GMDS: variants seen among roughly 807,000 people sequenced by gnomAD.
The protein encoded by GMDS is GDP-mannose 4,6-dehydratase, also known as GDP-mannose 4,6 dehydratase.
A neutral mutation model predicts 49.9 loss-of-function variants in GMDS; 20 were observed. That is an observed-to-expected ratio of 0.40 (90% CI 0.28 to 0.58). GMDS has a LOEUF of 0.58. Ranked by LOEUF, GMDS falls within the 20% of genes least tolerant of loss-of-function variation. The pLI is 0.42. For missense variants in GMDS, 362 were observed against 481.4 expected (o/e 0.75, Z 2.32); for synonymous variants, 177 against 178.6 (o/e 0.99, Z 0.07).
chr6:1,822,034 C>CT (rs1770924654), intron 7 of GMDS, among the ~76,000 whole-genome samples: 1 of 152,114 alleles, frequency 6.6e-6, no homozygotes, highest in Non-Finnish European at 1.5e-5. Flanking sequence ...CTGTAAAGCT[C>CT]TTTGTTTTCC....
chr6:2,214,331 C>T (rs773645070), intron 1 of GMDS, among the ~76,000 whole-genome samples: 1 of 152,110 alleles, frequency 6.6e-6, no homozygotes, highest in Non-Finnish European at 1.5e-5. Flanking sequence ...CTATATCCAT[C>T]GGTTCCTCAT....
intron 4 of GMDS, among the ~76,000 whole-genome samples, chr6:2,106,351 C>A (rs987515105): frequency 6.6e-6 from 1 of 152,084 alleles, no homozygotes; most frequent in Non-Finnish European, 1.5e-5. Flanking sequence ...AAGGATCCAA[C>A]TTTAACAAGG....
intron 7 of GMDS, among the ~76,000 whole-genome samples, chr6:1,898,078 T>A (rs60500745): frequency 3.9e-3 from 343 of 87,264 alleles, no homozygotes; most frequent in Middle Eastern, 0.02. Flanking sequence ...TACCCTGGCC[T>A]CCCTTGCCAT....
intron 1 of GMDS, among the ~76,000 whole-genome samples, chr6:2,158,990 AG>A (rs1245331133): frequency 2.6e-5 from 4 of 152,212 alleles, no homozygotes; most frequent in Non-Finnish European, 5.9e-5. Context: ...GGGGTTTAGA[AG>A]GAAGATAAGT....
intron 4 of GMDS, among the ~76,000 whole-genome samples, chr6:2,108,990 G>T (rs1025107635): frequency 6.6e-6 from 1 of 152,138 alleles, no homozygotes; most frequent in Non-Finnish European, 1.5e-5. Context: ...TAACATTTTG[G>T]TGGCAGGAAA....
At chr6:1,827,813 A>G (rs561757643) in intron 7 of GMDS, among the ~76,000 whole-genome samples, 1 of 152,280 alleles carries the variant, frequency 6.6e-6, no homozygotes, top group East Asian at 1.9e-4. Context: ...CCCACAGGAA[A>G]TGCTAGGGAA....
chr6:1,898,479 C>T (rs904699728), intron 7 of GMDS, among the ~76,000 whole-genome samples: 1 of 152,110 alleles, frequency 6.6e-6, no homozygotes, highest in African/African-American at 2.4e-5. Context: ...AGGGTCCAAC[C>T]TCCTTTTCTA....
At chr6:2,064,089 C>T (rs957029086) in intron 4 of GMDS, among the ~76,000 whole-genome samples, 17 of 152,244 alleles carry the variant, frequency 1.1e-4, no homozygotes, top group African/African-American at 4.1e-4. Flanking sequence ...AGATCTCACA[C>T]ATTTAAAACA....
At chr6:2,028,547 G>A (rs1159527992) in intron 4 of GMDS, among the ~76,000 whole-genome samples, 2 of 152,144 alleles carry the variant, frequency 1.3e-5, no homozygotes, top group Non-Finnish European at 2.9e-5. Flanking sequence ...CATTTGGAAG[G>A]GATGTACCTT....
At chr6:1,932,946 T>C (rs1336581533) in intron 6 of GMDS, among the ~76,000 whole-genome samples, 1 of 152,230 alleles carries the variant, frequency 6.6e-6, no homozygotes, top group Non-Finnish European at 1.5e-5. Context: ...CTTATATTCA[T>C]AGAAATGTAC....
intron 4 of GMDS, among the ~76,000 whole-genome samples, chr6:2,008,862 C>T (rs939950987): frequency 6.6e-6 from 1 of 152,118 alleles, no homozygotes; most frequent in African/African-American, 2.4e-5. Flanking sequence ...ACGTAACATA[C>T]CTCATTTTTT....
chr6:2,188,808 G>A (rs570562161), intron 1 of GMDS, among the ~76,000 whole-genome samples: 3 of 152,302 alleles, frequency 2.0e-5, no homozygotes, highest in South Asian at 4.1e-4. Flanking sequence ...GGGTTATAAG[G>A]AATGGTGGGA....
intron 4 of GMDS, among the ~76,000 whole-genome samples, chr6:1,997,097 G>A (rs4959622): frequency 0.39 from 59,708 of 151,342 alleles, 11,911 homozygotes; most frequent in African/African-American, 0.45. Flanking sequence ...CTGACAGCCA[G>A]GCAGAGGAAG....
intron 7 of GMDS, among the ~76,000 whole-genome samples, chr6:1,867,111 A>C (rs1404409124): frequency 6.6e-6 from 1 of 152,156 alleles, no homozygotes; most frequent in Non-Finnish European, 1.5e-5. Context: ...ATTGTATTCC[A>C]CTCTGATGAT....
intron 9 of GMDS, among the ~76,000 whole-genome samples, chr6:1,676,584 G>C (rs1315568266): frequency 6.6e-6 from 1 of 152,136 alleles, no homozygotes; most frequent in Admixed American, 6.5e-5. Context: ...CCAAAACAGA[G>C]ATATAGACCA....
chr6:2,225,580 C>T (rs139325361), intron 1 of GMDS, among the ~76,000 whole-genome samples: 2 of 152,160 alleles, frequency 1.3e-5, no homozygotes, highest in Admixed American at 6.5e-5. Context: ...TTTGCCAACC[C>T]TTAGATTTTC....
chr6:1,945,198 G>A (rs1763021372), intron 6 of GMDS, among the ~76,000 whole-genome samples: 1 of 151,894 alleles, frequency 6.6e-6, no homozygotes, highest in South Asian at 2.1e-4. Context: ...AGAAATTATG[G>A]CTTTCTTACT....
At chr6:1,963,905 A>C (rs1468573253) in intron 4 of GMDS, among the ~76,000 whole-genome samples, 1 of 152,156 alleles carries the variant, frequency 6.6e-6, no homozygotes, top group Non-Finnish European at 1.5e-5. Context: ...ATCCTAGGAG[A>C]AACAGAAACT....
At position 1,780,602 on chromosome 6, in the gene GMDS, C is replaced by T. The variant is rs188473339; in HGVS notation, c.772-38016G>A. On this transcript the variant is annotated intron_variant, in intron 7 of 10. Coordinates refer to ENST00000380815, the MANE Select transcript of GMDS (RefSeq NM_001500.4). ...AGCCTCTCTGCCTGCCTGAGGAGAG[C>T]GGGGCTGCTGGGTGCCAGGCCCAGG... Among the ~76,000 whole-genome samples the T allele has an allele frequency of 3.5e-4, 53 of 152,308 alleles. No homozygotes were observed. The East Asian group carries it at 3.5e-3, about 10-fold the overall frequency.
Sources: allele counts gnomAD v4.1 joint callset (sites outside exome capture counted in the v4.1 genomes callset), GRCh38; gene constraint gnomAD v4.1.1; transcripts MANE v1.5; gene names NCBI Gene and HGNC (gene_info 2026-07-23, HGNC 2026-07-21).